The following GPSM2 variants were observed in gnomAD, a reference collection of about 807,000 sequenced individuals.
GPSM2 encodes the protein G protein signaling modulator 2.
In GPSM2, 58 loss-of-function variants were observed where a neutral mutation model predicts 78.4. The ratio of observed to expected loss-of-function variants is 0.74; its 90% CI spans 0.60 to 0.92. The LOEUF is 0.92. Among genes scored for constraint, GPSM2 ranks in the 40% least tolerant of loss-of-function variants. The pLI, the probability that GPSM2 is intolerant of heterozygous loss-of-function variation, is 0.00. For missense variants in GPSM2, 700 were observed against 815.5 expected, an observed-to-expected ratio of 0.86 and a Z score of 1.73; for synonymous variants, 224 against 280.2, an observed-to-expected ratio of 0.80 and a Z score of 2.00.
At chr1:108,913,584 A>G (rs1162701574) in intron 10 of GPSM2, among the ~76,000 whole-genome samples, 1 of 152,272 alleles carries the variant, frequency 6.6e-6, no homozygotes, top group Non-Finnish European at 1.5e-5. Context: ...TTCAAAAGCA[A>G]TATAGCACAT....
At chr1:108,927,416 AG>A (rs1347873756) in intron 14 of GPSM2, among the ~76,000 whole-genome samples, 3 of 152,240 alleles carry the variant, frequency 2.0e-5, no homozygotes, top group Non-Finnish European at 4.4e-5. Context: ...TAATCAAAGC[AG>A]TGCAGTACTG....
chr1:108,908,846 A>T (rs926099168), intron 10 of GPSM2, among the ~76,000 whole-genome samples: 25 of 149,482 alleles, frequency 1.7e-4, no homozygotes, highest in African/African-American at 3.2e-4. Context: ...TCTCCAAAAA[A>T]TTTTTTAATT....
intron 10 of GPSM2, among the ~76,000 whole-genome samples, chr1:108,907,379 G>C (rs1451673785): frequency 6.6e-6 from 1 of 152,156 alleles, no homozygotes; most frequent in African/African-American, 2.4e-5. Flanking sequence ...TGTTCCTAGA[G>C]ACTTAGCAGA....
At chr1:108,921,475 C>A (rs1301754786) in intron 12 of GPSM2, among the ~76,000 whole-genome samples, 2 of 152,070 alleles carry the variant, frequency 1.3e-5, no homozygotes, top group African/African-American at 4.8e-5. Flanking sequence ...CTTACCTAGG[C>A]TTCAATAGGT....
intron 14 of GPSM2, among the ~76,000 whole-genome samples, chr1:108,928,760 G>A (rs376434331): frequency 1.6e-4 from 25 of 152,212 alleles, no homozygotes; most frequent in African/African-American, 5.1e-4. Context: ...AGGCCAAGGC[G>A]GGTGGATCAC....
chr1:108,895,433 T>C (rs1299978672), intron 2 of GPSM2, among the ~76,000 whole-genome samples: 3 of 152,058 alleles, frequency 2.0e-5, no homozygotes, highest in Non-Finnish European at 4.4e-5. Flanking sequence ...TAGAACGGGG[T>C]TCCCAACCCC....
At position 108,906,556 on chromosome 1, in the gene GPSM2, CTT is replaced by C. The variant is rs34000394; in HGVS notation, c.1192+2319_1192+2320del. Among the ~76,000 whole-genome samples, 350 of 132,000 alleles carry C rather than the reference CTT, an allele frequency of 2.7e-3. 2 individuals are homozygous for C. The highest frequency in any genetic ancestry group is 5.7e-3 in the African/African-American group (204 of 35,870). The allele number at this position is 132,000 out of a possible 152,430, so 86.6% of individuals were successfully genotyped here. A position where few individuals can be genotyped will look rare whatever the true frequency, so the allele number is the denominator to read the frequency against. ...ACTTTTCCACACAGGAGCCAGAGTG[CTT>C]TTTTTTTTTTTTTTTTCTAAATTAA... is the stretch of plus-strand genomic sequence containing the variant. On this transcript the variant is annotated intron_variant, in intron 10 of 14. Coordinates refer to ENST00000264126, the MANE Select transcript of GPSM2 (RefSeq NM_013296.5).
At position 108,897,093 on chromosome 1, in the gene GPSM2, A is replaced by AT. The variant is rs1183272878; in HGVS notation, c.278+11dup. 8 of 1,556,008 alleles carry AT rather than the reference A, an allele frequency of 5.1e-6. No homozygotes were observed. The highest frequency in any genetic ancestry group is 7.1e-6 in the Non-Finnish European group (8 of 1,128,626). ...TGATTTAACCCTTGCAAGGTAATTA[A>AT]TTTAAGCTTTTAAATATTCTTCCTT... On this transcript the variant is annotated intron_variant, in intron 3 of 14. Coordinates refer to ENST00000264126, the MANE Select transcript of GPSM2 (RefSeq NM_013296.5).
chr1:108,891,619 C>T (rs1647974881), intron 2 of GPSM2, among the ~76,000 whole-genome samples: 1 of 151,560 alleles, frequency 6.6e-6, no homozygotes, highest in South Asian at 2.1e-4. Context: ...CTCAGCCTCC[C>T]GAGTAGCTGG....
rs1001802522 is a variant in GPSM2 at position 108,933,527 on chromosome 1, C to T, written c.*3587C>T. 6.6e-6 allele frequency: 1 copy of T among 152,180 alleles called. No homozygotes were observed. The highest frequency in any genetic ancestry group is 1.5e-5 in the Non-Finnish European group (1 of 68,024). 9.4% of individuals were successfully genotyped at this position (152,180 alleles called of 1,614,324 possible). The stretch of plus-strand genomic sequence containing the variant: ...TGCATTTCATATTAAAATAAAAAAG[C>T]AAGTGCTTGGGATACAAATATCTGC... On this transcript the variant is annotated 3_prime_UTR_variant, in exon 15 of 15. Coordinates refer to ENST00000264126, the MANE Select transcript of GPSM2 (RefSeq NM_013296.5).
At chr1:108,920,209 C>G (rs1428801951) in intron 12 of GPSM2, among the ~76,000 whole-genome samples, 1 of 151,570 alleles carries the variant, frequency 6.6e-6, no homozygotes, top group Admixed American at 6.6e-5. Flanking sequence ...TGGCTCATAC[C>G]TGTAATCCCA....
intron 14 of GPSM2, among the ~76,000 whole-genome samples, chr1:108,929,331 G>A (rs1651477173): frequency 6.6e-6 from 1 of 152,148 alleles, no homozygotes; most frequent in Non-Finnish European, 1.5e-5. Context: ...AAGTTACACA[G>A]TTGATGCCTG....
At chr1:108,904,500 A>C (rs1264074296) in intron 10 of GPSM2, among the ~76,000 whole-genome samples, 1 of 149,992 alleles carries the variant, frequency 6.7e-6, no homozygotes, top group East Asian at 1.9e-4. Flanking sequence ...TTTTACCATG[A>C]ACTTAGGAAT....
chr1:108,907,387 A>G (rs2101461183), intron 10 of GPSM2, among the ~76,000 whole-genome samples: 1 of 152,360 alleles, frequency 6.6e-6, no homozygotes, highest in South Asian at 2.1e-4. Context: ...GAGACTTAGC[A>G]GAAGTAAGAC....
At chr1:108,918,893 T>C in intron 12 of GPSM2, 104 bp downstream of exon 12, 1 of 745,838 alleles carries the variant, frequency 1.3e-6, no homozygotes, top group Non-Finnish European at 2.4e-6. Flanking sequence ...ACATTTAATA[T>C]AAAATATCTT....
chr1:108,931,357 T>TAAC lies in GPSM2; in HGVS notation c.*1418_*1420dup. The TAAC allele has an allele frequency of 1.3e-6, 2 of 1,550,982 alleles. No homozygotes were observed. Among genetic ancestry groups the TAAC allele is most frequent in the African/African-American group, 1.4e-5 (1 of 73,154 alleles). On this transcript the variant is annotated 3_prime_UTR_variant, in exon 15 of 15. Coordinates refer to ENST00000264126, the MANE Select transcript of GPSM2 (RefSeq NM_013296.5). ...AGGGGATGATAACAAAGTAACTAAC[T>TAAC]AACTGTAGCAAAAGACAAGTATGGG...
At chr1:108,921,847 A>G (rs1222372271) in intron 12 of GPSM2, among the ~76,000 whole-genome samples, 3 of 152,166 alleles carry the variant, frequency 2.0e-5, no homozygotes, top group Admixed American at 2.0e-4. Flanking sequence ...CTATTATAAT[A>G]TATCATTATG....
intron 1 of GPSM2, among the ~76,000 whole-genome samples, chr1:108,878,275 A>G (rs970207712): frequency 6.6e-6 from 1 of 152,186 alleles, no homozygotes; most frequent in Non-Finnish European, 1.5e-5. Flanking sequence ...GGGGGGCCTC[A>G]GGGATTAGGG....
intron 8 of GPSM2, among the ~76,000 whole-genome samples, chr1:108,902,484 C>G (rs1648902872): frequency 6.6e-6 from 1 of 152,044 alleles, no homozygotes; most frequent in South Asian, 2.1e-4. Flanking sequence ...CCAACTCCAA[C>G]TAATTGTTGC....
Sources: gnomAD v4.1 joint callset for allele counts (sites outside exome capture counted in the v4.1 genomes callset) on GRCh38, gnomAD v4.1.1 for gene constraint, MANE v1.5 for transcripts, NCBI Gene and HGNC (gene_info 2026-07-23, HGNC 2026-07-21) for gene names.